The following DDX19A variants were observed in gnomAD, a reference collection of about 807,000 sequenced individuals.
DDX19A encodes DEAD-box helicase 19A.
In DDX19A, 12 loss-of-function variants were observed where a neutral mutation model predicts 60.6. The observed-to-expected ratio is 0.20, with a 90% CI of 0.13 to 0.32. The LOEUF (loss-of-function observed/expected upper bound fraction) is 0.32, where lower values mean the gene tolerates loss of function less well. Ranked by LOEUF, DDX19A falls within the 10% of genes least tolerant of loss-of-function variation. DDX19A has a pLI of 1.00. For missense variants in DDX19A, 337 were observed against 600.6 expected, an observed-to-expected ratio of 0.56 and a Z score of 4.59; for synonymous variants, 206 against 218.2, an observed-to-expected ratio of 0.94 and a Z score of 0.49.
At chr16:70,352,770 G>A (rs561470073) in intron 2 of DDX19A, among the ~76,000 whole-genome samples, 139 of 151,742 alleles carry the variant, frequency 9.2e-4, no homozygotes, top group Non-Finnish European at 1.0e-3. Context: ...CCAAGTAGCT[G>A]GGATTATAGG....
At chr16:70,354,880 T>C (rs1177576005) in intron 2 of DDX19A, among the ~76,000 whole-genome samples, 2 of 152,084 alleles carry the variant, frequency 1.3e-5, no homozygotes, top group Admixed American at 6.6e-5. Context: ...CATGCACCTG[T>C]AGTCCCAGCT....
At chr16:70,365,666 G>C (rs1359310784) in intron 7 of DDX19A, 1 of 220,310 alleles carries the variant, frequency 4.5e-6, no homozygotes, top group Non-Finnish European at 9.1e-6. Context: ...TGTAGTCCCA[G>C]CTACTTGGGA....
At chr16:70,351,690 A>T (rs1259013377) in intron 2 of DDX19A, among the ~76,000 whole-genome samples, 1 of 150,518 alleles carries the variant, frequency 6.6e-6, no homozygotes, top group African/African-American at 2.5e-5. Context: ...ATGCCCAGCT[A>T]ATTTTTTTTT....
In DDX19A at chr16:70,370,226, C is replaced by T. The variant is rs1396585092; in HGVS notation, c.1024C>T (p.Arg342Cys). The T allele has an allele frequency of 8.1e-6, 13 of 1,605,140 alleles. No homozygotes were observed. Among genetic ancestry groups the T allele is most frequent in the South Asian group, 2.2e-5 (2 of 90,062 alleles). The change falls in exon 10 of 12, where the codon CGC becomes TGC. Residue 342 changes from arginine (R) to cysteine (C), a missense_variant. By Grantham distance (180) the Arg-to-Cys change is radical. This residue lies in a region of DDX19A where 117 missense variants were observed against 274.3 expected (regional missense o/e 0.43). Coordinates refer to ENST00000302243, the MANE Select transcript of DDX19A (RefSeq NM_018332.5). ...IAQAMIFCHT[R>C]KTASWLAAEL... ...TCAATTGTTTTTTTTCTTCCAGACT[C>T]GCAAAACAGCTAGTTGGCTGGCAGC...
intron 4 of DDX19A, among the ~76,000 whole-genome samples, chr16:70,357,272 T>A (rs201806619): frequency 0.098 from 3,020 of 30,814 alleles, 68 homozygotes; most frequent in African/African-American, 0.24. Flanking sequence ...AAAAAAAAAA[T>A]ATATATATAT....
At chr16:70,369,592 A>T (rs1202045528) in intron 9 of DDX19A, among the ~76,000 whole-genome samples, 2 of 147,658 alleles carry the variant, frequency 1.4e-5, no homozygotes, top group Admixed American at 6.7e-5. Context: ...TTTTTGTGGT[A>T]TAAATTTTCT....
intron 7 of DDX19A, 121 bp from the exon 8 acceptor site, chr16:70,365,964 T>C (rs1325047389): frequency 6.9e-6 from 10 of 1,448,790 alleles, no homozygotes; most frequent in South Asian, 1.2e-5. Flanking sequence ...GGAACACTCA[T>C]GTGTGTTTTG....
intron 2 of DDX19A, among the ~76,000 whole-genome samples, chr16:70,353,133 T>TTTTTTTC (rs1964078432): frequency 6.6e-6 from 1 of 151,646 alleles, no homozygotes; most frequent in African/African-American, 2.4e-5. Flanking sequence ...TTCTTTCTTT[T>TTTTTTTC]TTTTTTTCTT....
Position 70,372,098 on chromosome 16 carries a change from GAA to G in DDX19A, c.*114_*115del. On this transcript the variant is annotated 3_prime_UTR_variant, in exon 12 of 12. Coordinates refer to ENST00000302243, the MANE Select transcript of DDX19A (RefSeq NM_018332.5). ...CCAAGGACAACGGCAGAAGTAGAGA[GAA>G]ACTACCTACCTCACTTCAAATTATG... 1.3e-6 allele frequency: 2 copies of G among 1,507,550 alleles called. No homozygotes were observed. Among genetic ancestry groups the G allele is most frequent in the Non-Finnish European group, 1.8e-6 (2 of 1,088,464 alleles). 93.4% of individuals were successfully genotyped at this position (1,507,550 alleles called of 1,614,324 possible).
chr16:70,361,322 A>C (rs1964358529), intron 4 of DDX19A, 96 bp from the exon 5 acceptor site: 1 of 920,608 alleles, frequency 1.1e-6, no homozygotes, highest in South Asian at 1.4e-5. Context: ...CAGAGGTAGG[A>C]GGCATCATTC....
intron 4 of DDX19A, chr16:70,356,776 T>G: frequency 1.3e-6 from 1 of 783,930 alleles, no homozygotes; most frequent in South Asian, 1.7e-5. Context: ...CCTGTTCTCT[T>G]GGTAGGAATT....
intron 7 of DDX19A, 48 bp downstream of exon 7, chr16:70,365,179 G>T: frequency 7.3e-7 from 1 of 1,367,490 alleles, no homozygotes; most frequent in Non-Finnish European, 1.0e-6. Context: ...TAGGGGGTTG[G>T]GCGTTTGAAT....
rs773831449 is a variant in DDX19A, at chr16:70,368,960, G to A, written c.1021-1263G>A. On this transcript the variant is annotated intron_variant, in intron 9 of 11. Coordinates refer to ENST00000302243, the MANE Select transcript of DDX19A (RefSeq NM_018332.5). Reference sequence around the variant, plus strand: ...CGGTTCACCACAACCTCTGCCTCCCGGGTTCTAGCAATTCTCCTGCCTCAG... The same window carrying A: ...CGGTTCACCACAACCTCTGCCTCCCAGGTTCTAGCAATTCTCCTGCCTCAG... 2.6e-5 allele frequency among the ~76,000 whole-genome samples: 4 copies of A among 152,078 alleles called. No individual in the cohort carries two copies. In the South Asian group the frequency reaches 6.2e-4, roughly 24 times the overall value.
chr16:70,373,086 T>TA lies in DDX19A; in HGVS notation c.*1101dup, dbSNP rs1290571567. 1 of 151,438 alleles carries TA rather than the reference T, an allele frequency of 6.6e-6. No individual in the cohort carries two copies. The highest frequency in any genetic ancestry group is 2.0e-4 in the East Asian group (1 of 5,124). 9.4% of individuals were successfully genotyped at this position (151,438 alleles called of 1,614,324 possible). On this transcript the variant is annotated 3_prime_UTR_variant, in exon 12 of 12. Coordinates refer to ENST00000302243, the MANE Select transcript of DDX19A (RefSeq NM_018332.5). ...CGTCTCTACCAAAAATAGAAAAAAA[T>TA]ATAGCCGGGCCTGGTGGCGCACGCC... is the stretch of plus-strand genomic sequence containing the variant.
At chr16:70,362,604 G>A (rs1158595494) in intron 5 of DDX19A, among the ~76,000 whole-genome samples, 2 of 151,960 alleles carry the variant, frequency 1.3e-5, no homozygotes, top group Non-Finnish European at 2.9e-5. Context: ...TTGAGACAGG[G>A]TCTCATTCTG....
intron 1 of DDX19A, 36 bp downstream of exon 1, chr16:70,347,084 A>AG: frequency 6.3e-7 from 1 of 1,595,048 alleles, no homozygotes; most frequent in Non-Finnish European, 8.5e-7. Flanking sequence ...AGGACGTAGC[A>AG]GGGGCCCAAG....
intron 9 of DDX19A, among the ~76,000 whole-genome samples, chr16:70,367,954 T>C (rs1964568216): frequency 6.6e-6 from 1 of 151,480 alleles, no homozygotes; most frequent in South Asian, 2.1e-4. Context: ...GGTAGAAGGA[T>C]TGCTTCAGCC....
intron 1 of DDX19A, 101 bp downstream of exon 1, chr16:70,347,149 C>T (rs765493901): frequency 2.6e-6 from 3 of 1,167,288 alleles, no homozygotes; most frequent in Non-Finnish European, 3.7e-6. Context: ...CCCTGGGCAA[C>T]GCGCTCCTGC....
Position 70,369,848 on chromosome 16 carries a change from C to T in DDX19A, c.1021-375C>T, listed in dbSNP as rs765729185. 5.3e-5 allele frequency among the ~76,000 whole-genome samples: 8 copies of T among 151,844 alleles called. No homozygotes were observed. In the East Asian group the frequency reaches 9.7e-4, roughly 18 times the overall value. On this transcript the variant is annotated intron_variant, in intron 9 of 11. Transcript: ENST00000302243. ...CTGGTCTCGAACTCCTGAGTTCAAG[C>T]GATCCACGTGCCTCGTCCTCCCAAA... is the stretch of plus-strand genomic sequence containing the variant.
Sources: gnomAD v4.1 joint callset for allele counts (sites outside exome capture counted in the v4.1 genomes callset) on GRCh38, gnomAD v4.1.1 for gene constraint, gnomAD v4.1.1 regional missense constraint, MANE v1.5 for transcripts, NCBI Gene and HGNC (gene_info 2026-07-23, HGNC 2026-07-21) for gene names.